The following INSL6 variants were observed in gnomAD, a reference collection of about 807,000 sequenced individuals.
The protein encoded by INSL6 is insulin-like peptide INSL6.
Under a neutral mutation model 9.4 loss-of-function variants are expected in INSL6, and 16 were observed. The observed-to-expected ratio is 1.70, with a 90% CI of 1.15 to 2.59. The LOEUF is 2.59. Among genes scored for constraint, INSL6 ranks in the 30% most tolerant of loss-of-function variants. The pLI is 0.00. For synonymous variants in INSL6, 154 were observed against 96.9 expected (o/e 1.59, Z -3.46); for missense variants, 391 against 257.3 (o/e 1.52, Z -3.56).
At chr9:5,168,468 A>G (rs1158031933) in intron 1 of INSL6, among the ~76,000 whole-genome samples, 2 of 152,198 alleles carry the variant, frequency 1.3e-5, no homozygotes, top group East Asian at 1.9e-4. Flanking sequence ...GACCAAGTGG[A>G]AGAAAAAATA....
At chr9:5,152,770 C>T (rs1824735485) in intron 2 of INSL6, among the ~76,000 whole-genome samples, 1 of 152,198 alleles carries the variant, frequency 6.6e-6, no homozygotes, top group South Asian at 2.1e-4. Context: ...GATGGCCAAA[C>T]AGGAACAGCT....
chr9:5,093,857 G>C, the INSL6 span, among the ~76,000 whole-genome samples: 1 of 152,126 alleles, frequency 6.6e-6, no homozygotes, highest in South Asian at 2.1e-4. Flanking sequence ...AAAGTCCTAT[G>C]TGATCTGATT....
chr9:5,095,733 TAATC>T, the INSL6 span, among the ~76,000 whole-genome samples: 4 of 152,192 alleles, frequency 2.6e-5, no homozygotes, highest in Non-Finnish European at 5.9e-5. Flanking sequence ...GAGGAGGACT[TAATC>T]AAACACAATT....
the INSL6 span, among the ~76,000 whole-genome samples, chr9:5,012,522 C>T: frequency 1.3e-5 from 2 of 152,134 alleles, no homozygotes; most frequent in African/African-American, 2.4e-5. Flanking sequence ...AGGGAATGCA[C>T]ATGATTTTTC....
the INSL6 span, among the ~76,000 whole-genome samples, chr9:5,043,498 G>C: frequency 3.1e-4 from 47 of 152,152 alleles, no homozygotes; most frequent in Non-Finnish European, 6.0e-4. Context: ...TATTGCTGTT[G>C]GGAATGTAAA....
chr9:5,000,964 C>T, the INSL6 span, among the ~76,000 whole-genome samples: 2 of 151,928 alleles, frequency 1.3e-5, no homozygotes, highest in Non-Finnish European at 2.9e-5. Context: ...CAGCAAATTC[C>T]CAAGATAGCA....
the INSL6 span, chr9:5,050,590 C>T: frequency 1.7e-5 from 22 of 1,270,646 alleles, no homozygotes; most frequent in Non-Finnish European, 2.4e-5. Flanking sequence ...CTTGTAAATG[C>T]ATATGTTCTG....
intron 2 of INSL6, chr9:5,133,668 C>G (rs1586854658): frequency 6.6e-6 from 1 of 152,038 alleles, no homozygotes; most frequent in African/African-American, 2.4e-5. Context: ...AACAAAATGT[C>G]CACTCAGAGA....
chr9:5,069,345 A>G, the INSL6 span: 15 of 568,784 alleles, frequency 2.6e-5, no homozygotes, highest in African/African-American at 2.9e-4. Flanking sequence ...ATTCTATTGT[A>G]CAAGCATCAT....
At chr9:5,073,852 C>A in the INSL6 span, 1 of 1,052,598 alleles carries the variant, frequency 9.5e-7, no homozygotes, top group Non-Finnish European at 1.4e-6. Context: ...ATAGAAAATT[C>A]AGTTTCAGGA....
chr9:5,178,707 C>G (rs1238304195), intron 1 of INSL6, among the ~76,000 whole-genome samples: 1 of 152,098 alleles, frequency 6.6e-6, no homozygotes, highest in Admixed American at 6.5e-5. Context: ...AACCACACAC[C>G]ACACACCTAC....
the INSL6 span, chr9:5,090,406 A>T: frequency 7.0e-7 from 1 of 1,432,120 alleles, no homozygotes; most frequent in Non-Finnish European, 9.4e-7. Context: ...TCAGTATAAT[A>T]TGGCAGAGTA....
At chr9:5,112,105 G>A in the INSL6 span, 1 of 345,658 alleles carries the variant, frequency 2.9e-6, no homozygotes, top group South Asian at 2.3e-5. Context: ...CCTGAACGAG[G>A]GCATCCACGT....
chr9:5,101,457 A>G, the INSL6 span, among the ~76,000 whole-genome samples: 5 of 152,254 alleles, frequency 3.3e-5, no homozygotes, highest in East Asian at 5.8e-4. Flanking sequence ...GGGGCAGGGC[A>G]TAGCTGAAAA....
chr9:5,087,691 T>G, the INSL6 span, among the ~76,000 whole-genome samples: 1 of 152,304 alleles, frequency 6.6e-6, no homozygotes, highest in Admixed American at 6.5e-5. Context: ...AAAATATACA[T>G]TTTCCCACTG....
At chr9:5,108,435 G>C in the INSL6 span, 2 of 152,084 alleles carry the variant, frequency 1.3e-5, no homozygotes, top group East Asian at 3.9e-4. Flanking sequence ...AAATACTTCA[G>C]ATTCTCTAAA....
Position 5,185,470 on chromosome 9 carries a change from A to T in INSL6, c.133T>A (p.Cys45Ser), listed in dbSNP as rs62637621. The T allele has an allele frequency of 6.3e-5, 102 of 1,614,154 alleles. No individual in the cohort carries two copies. In the African/African-American group the frequency reaches 1.3e-3, roughly 20 times the overall value. The stretch of plus-strand genomic sequence containing the variant: ...AACTGGCTCCAGTTGGCATGGCCGC[A>T]GAGTTTTTCTATTTCTTTCACCAAG... ...RYLVKEIEKL[C>S]GHANWSQFRF... Residue 45 changes from cysteine to serine, a missense_variant, in exon 1 of 2, where the codon TGC becomes AGC. Physicochemically the swap from Cys to Ser is moderately radical, Grantham distance 112 (BLOSUM62 -1). Coordinates refer to ENST00000381641, the MANE Select transcript of INSL6 (RefSeq NM_007179.3).
chr9:5,070,790 A>T, the INSL6 span, among the ~76,000 whole-genome samples: 1 of 152,114 alleles, frequency 6.6e-6, no homozygotes, highest in Non-Finnish European at 1.5e-5. Context: ...GTAGTACATA[A>T]GATCTGATAA....
chr9:5,172,502 C>G (rs1203590257), intron 1 of INSL6, among the ~76,000 whole-genome samples: 1 of 152,220 alleles, frequency 6.6e-6, no homozygotes, highest in African/African-American at 2.4e-5. Context: ...GCAAAAGAAA[C>G]TACCATCAGA....
Sources: allele counts gnomAD v4.1 joint callset (sites outside exome capture counted in the v4.1 genomes callset), GRCh38; gene constraint gnomAD v4.1.1; transcripts MANE v1.5; gene names NCBI Gene and HGNC (gene_info 2026-07-23, HGNC 2026-07-21).